The following FHIP1A variants were observed in gnomAD, a reference collection of about 807,000 sequenced individuals.
The protein encoded by FHIP1A is FHF complex subunit HOOK-interacting protein 1A.
FHIP1A carries 61 observed loss-of-function variants against 88.6 expected under a neutral mutation model. That is an observed-to-expected ratio of 0.69 (90% CI 0.56 to 0.85). The LOEUF (loss-of-function observed/expected upper bound fraction) is 0.85. Among genes scored for constraint, FHIP1A ranks in the 40% least tolerant of loss-of-function variants. The pLI, the probability that FHIP1A is intolerant of heterozygous loss-of-function variation, is 0.00. For synonymous variants in FHIP1A, 478 were observed against 496.0 expected, an observed-to-expected ratio of 0.96 and a Z score of 0.48; for missense variants, 1,154 against 1,273.5, an observed-to-expected ratio of 0.91 and a Z score of 1.43.
At chr4:151,534,180 C>A (rs951578974) in intron 3 of FHIP1A, among the ~76,000 whole-genome samples, 3 of 152,164 alleles carry the variant, frequency 2.0e-5, no homozygotes, top group African/African-American at 7.2e-5. Flanking sequence ...TTAAGGAAAC[C>A]TGAATTTGAG....
At chr4:151,573,934 TG>T (rs1404361486) in intron 4 of FHIP1A, among the ~76,000 whole-genome samples, 1 of 152,194 alleles carries the variant, frequency 6.6e-6, no homozygotes. Context: ...CTTGGGACAT[TG>T]GGACAGAAGT....
Position 151,445,497 on chromosome 4 carries a change from AC to A in FHIP1A, c.-355-9201del, listed in dbSNP as rs750991306. On this transcript the variant is annotated intron_variant, in intron 1 of 13. Transcript: ENST00000435205. Reference sequence around the variant, plus strand: ...TGGAGGAGTGGGGATGAAAATTCCAACCCTTTAATTAAATGATTGATTCTGA... The same window carrying A: ...TGGAGGAGTGGGGATGAAAATTCCAACCTTTAATTAAATGATTGATTCTGA... Among the ~76,000 whole-genome samples, 186 of 151,980 alleles carry A rather than the reference AC, an allele frequency of 1.2e-3. 1 individual carries two copies. The highest frequency in any genetic ancestry group is 2.0e-3 in the Non-Finnish European group (133 of 67,932).
At chr4:151,512,566 C>T (rs1269536923) in intron 3 of FHIP1A, among the ~76,000 whole-genome samples, 2 of 151,238 alleles carry the variant, frequency 1.3e-5, no homozygotes, top group East Asian at 2.0e-4. Context: ...AAAATTTAGA[C>T]GACTGTATAA....
At chr4:151,525,239 A>G (rs556218664) in intron 3 of FHIP1A, among the ~76,000 whole-genome samples, 4 of 152,314 alleles carry the variant, frequency 2.6e-5, no homozygotes, top group African/African-American at 7.2e-5. Context: ...TCAGCACCCT[A>G]TTCTGTTTTC....
intron 3 of FHIP1A, among the ~76,000 whole-genome samples, chr4:151,539,109 CT>C (rs1732174460): frequency 6.6e-6 from 1 of 152,146 alleles, no homozygotes; most frequent in South Asian, 2.1e-4. Flanking sequence ...TATATGCTTC[CT>C]TTTTCAAAAA....
chr4:151,484,092 A>G (rs1460180155), intron 3 of FHIP1A, among the ~76,000 whole-genome samples: 1 of 152,184 alleles, frequency 6.6e-6, no homozygotes, highest in Non-Finnish European at 1.5e-5. Context: ...CCTCTGTTAC[A>G]GGGCTTTTCC....
chr4:151,515,186 A>C (rs1236469474), intron 3 of FHIP1A, among the ~76,000 whole-genome samples: 1 of 150,472 alleles, frequency 6.6e-6, no homozygotes, highest in Non-Finnish European at 1.5e-5. Context: ...ACATATAAAC[A>C]GAACCAAAGA....
chr4:151,621,571 G>T (rs1320065818), intron 7 of FHIP1A, among the ~76,000 whole-genome samples: 1 of 150,366 alleles, frequency 6.7e-6, no homozygotes, highest in East Asian at 2.0e-4. Flanking sequence ...GGGGGTGCGT[G>T]GGGGAGGAGT....
At chr4:151,569,000 G>A (rs1560774207) in intron 4 of FHIP1A, among the ~76,000 whole-genome samples, 1 of 152,122 alleles carries the variant, frequency 6.6e-6, no homozygotes, top group Non-Finnish European at 1.5e-5. Context: ...TGTTGTTTTG[G>A]AGTTTCATAC....
At chr4:151,466,271 C>G (rs960040405) in intron 2 of FHIP1A, among the ~76,000 whole-genome samples, 1 of 152,076 alleles carries the variant, frequency 6.6e-6, no homozygotes, top group Non-Finnish European at 1.5e-5. Context: ...GTACAACTTA[C>G]AAGGGACATG....
intron 5 of FHIP1A, among the ~76,000 whole-genome samples, chr4:151,581,923 G>A (rs1438017636): frequency 6.6e-6 from 1 of 152,116 alleles, no homozygotes; most frequent in Non-Finnish European, 1.5e-5. Context: ...AGCTCAAGAT[G>A]TGCTTTCCCA....
At position 151,649,640 on chromosome 4, in the gene FHIP1A, G is replaced by A. The variant is rs1195664041; in HGVS notation, c.1599G>A (p.Glu533=). The part of the protein sequence containing the change: ...ALYDGDSPDP[E]MFLQSLTEEG... Reference sequence around the variant, plus strand: ...ATGATGGCGACTCCCCCGACCCTGAGATGTTTCTCCAGAGTCTGACGGAGG... The same window carrying A: ...ATGATGGCGACTCCCCCGACCCTGAAATGTTTCTCCAGAGTCTGACGGAGG... The change falls in exon 11 of 14, where the codon GAG becomes GAA. Residue 533 remains glutamate (E), a synonymous_variant. Coordinates refer to ENST00000435205, the MANE Select transcript of FHIP1A (RefSeq NM_001109977.3). 1 of 1,551,700 alleles carries A rather than the reference G, an allele frequency of 6.4e-7. No individual in the cohort carries two copies. The highest frequency in any genetic ancestry group is 8.7e-7 in the Non-Finnish European group (1 of 1,146,984).
intron 7 of FHIP1A, among the ~76,000 whole-genome samples, chr4:151,593,150 GT>G (rs1369895995): frequency 4.6e-5 from 7 of 152,172 alleles, no homozygotes; most frequent in Non-Finnish European, 1.0e-4. Context: ...GTACCCTGCT[GT>G]TTTTGTTACT....
chr4:151,652,646 G>A (rs1290270534), intron 11 of FHIP1A, among the ~76,000 whole-genome samples: 3 of 152,236 alleles, frequency 2.0e-5, no homozygotes, highest in Non-Finnish European at 2.9e-5. Flanking sequence ...GTTGTCATAT[G>A]CCAAGACCAG....
Position 151,577,725 on chromosome 4 carries a change from C to T in FHIP1A, c.381C>T (p.Thr127=). 1.3e-6 allele frequency: 2 copies of T among 1,551,552 alleles called. No individual in the cohort carries two copies. Among genetic ancestry groups the T allele is most frequent in the Non-Finnish European group, 1.7e-6 (2 of 1,146,978 alleles). ...EQLKMYEMLV[T]QSHQPLLHHK... ...TAAAGATGTATGAGATGTTGGTCAC[C>T]CAGTCGCACCAGCCTCTGCTGCACC... The change falls in exon 5 of 14, where the codon ACC becomes ACT. Residue 127 remains threonine, a synonymous_variant. Transcript: ENST00000435205.
chr4:151,413,744 C>G (rs755967956), intron 1 of FHIP1A, among the ~76,000 whole-genome samples: 24 of 151,928 alleles, frequency 1.6e-4, no homozygotes, highest in Non-Finnish European at 1.9e-4. Context: ...CATGAGCCAC[C>G]GCGCCTGGCC....
At chr4:151,573,064 A>AT (rs1361327273) in intron 4 of FHIP1A, among the ~76,000 whole-genome samples, 1 of 152,216 alleles carries the variant, frequency 6.6e-6, no homozygotes, top group East Asian at 1.9e-4. Context: ...AGTGAAAGAA[A>AT]TACGCTATTT....
In FHIP1A at chr4:151,526,787, G is replaced by C. The variant is rs1251793972; in HGVS notation, c.-122-39351G>C. Among the ~76,000 whole-genome samples the C allele has an allele frequency of 3.3e-5, 5 of 150,730 alleles. No homozygotes were observed. The East Asian group carries it at 1.0e-3, about 30-fold the overall frequency. ...TCAGATGGGGCGGCTGCCGGGCGGA[G>C]GGGCTCTTCACTTCTCAGACGGGGC... is the stretch of plus-strand genomic sequence containing the variant. On this transcript the variant is annotated intron_variant, in intron 3 of 13. Coordinates refer to ENST00000435205, the MANE Select transcript of FHIP1A (RefSeq NM_001109977.3).
Position 151,650,233 on chromosome 4 carries a change from C to T in FHIP1A, c.2192C>T (p.Pro731Leu). ...GAATCCAACTCAGAGTTAGCATCCC[C>T]TGCCCCTGAGGCAGAGCACAGCTCT... is the stretch of plus-strand genomic sequence containing the variant. ...APESNSELASPAPEAEHSSNL... is the reference protein window; with the variant it reads ...APESNSELASLAPEAEHSSNL... Residue 731 changes from proline to leucine, a missense_variant, in exon 11 of 14, where the codon CCT (proline) becomes CTT (leucine). Coordinates refer to ENST00000435205, the MANE Select transcript of FHIP1A (RefSeq NM_001109977.3). 1 of 1,551,766 alleles carries T rather than the reference C, an allele frequency of 6.4e-7. No individual in the cohort carries two copies. Among genetic ancestry groups the T allele is most frequent in the South Asian group, 1.2e-5 (1 of 84,064 alleles).
Sources: allele counts gnomAD v4.1 joint callset (sites outside exome capture counted in the v4.1 genomes callset), GRCh38; gene constraint gnomAD v4.1.1; transcripts MANE v1.5; gene names NCBI Gene and HGNC (gene_info 2026-07-23, HGNC 2026-07-21).